MROH7: variants seen among roughly 807,000 people sequenced by gnomAD.
MROH7 encodes the protein maestro heat-like repeat-containing protein family member 7.
A neutral mutation model predicts 129.2 loss-of-function variants in MROH7; 113 were observed. That is an observed-to-expected ratio of 0.87 (90% CI 0.75 to 1.02). The LOEUF (loss-of-function observed/expected upper bound fraction) is 1.02. MROH7 is among the 50% of genes least tolerant of loss of function. The pLI, the probability that MROH7 is intolerant of heterozygous loss-of-function variation, is 0.00. For synonymous variants in MROH7, 655 were observed against 667.9 expected (o/e 0.98, Z 0.30); for missense variants, 1,601 against 1,671.3 (o/e 0.96, Z 0.73).
At position 54,701,201 on chromosome 1, in the gene MROH7, G is replaced by A; in HGVS notation, c.3164G>A (p.Gly1055Glu). The stretch of plus-strand genomic sequence containing the variant: ...GTGAAGGGCCTGAAGAACATGGATG[G>A]GATGCTGGTGGTGGAAGCGGTCCAC... The part of the protein sequence containing the change: ...SMVKGLKNMD[G>E]MLVVEAVHNL... Residue 1055 changes from glycine (G) to glutamate (E), a missense_variant, in exon 19 of 24, where the codon GGG becomes GAG. Gly to Glu is a moderately conservative substitution (Grantham distance 98, BLOSUM62 -2). Coordinates refer to ENST00000421030, the MANE Select transcript of MROH7 (RefSeq NM_001039464.4). The A allele has an allele frequency of 1.9e-6, 3 of 1,614,212 alleles. No individual in the cohort carries two copies. The highest frequency in any genetic ancestry group is 2.5e-6 in the Non-Finnish European group (3 of 1,180,040).
At position 54,674,165 on chromosome 1, in the gene MROH7, G is replaced by T. The variant is rs1009661725; in HGVS notation, c.1936+14G>T. 3.1e-6 allele frequency: 5 copies of T among 1,609,024 alleles called. No homozygotes were observed. Among genetic ancestry groups the T allele is most frequent in the Non-Finnish European group, 3.4e-6 (4 of 1,177,954 alleles). On this transcript the variant is annotated intron_variant, in intron 10 of 23. Transcript: ENST00000421030. ...AGCTCCAAAAACGTAAGCCCTATCGGAGTACTTCTGAAGGAAGTCTTCTGA... is the reference window on the plus strand; with the variant it reads ...AGCTCCAAAAACGTAAGCCCTATCGTAGTACTTCTGAAGGAAGTCTTCTGA...
intron 4 of MROH7, among the ~76,000 whole-genome samples, chr1:54,668,206 A>C (rs1361100746): frequency 6.6e-6 from 1 of 152,226 alleles, no homozygotes; most frequent in African/African-American, 2.4e-5. Context: ...CTGGCCCAGC[A>C]TCACTTCTAC....
chr1:54,691,596 A>T (rs745590466), intron 15 of MROH7, among the ~76,000 whole-genome samples: 24 of 152,150 alleles, frequency 1.6e-4, no homozygotes, highest in Non-Finnish European at 3.1e-4. Context: ...ACTTGAGATC[A>T]GGAGTTCAAG....
intron 16 of MROH7, among the ~76,000 whole-genome samples, chr1:54,694,091 A>G (rs1645283168): frequency 6.6e-6 from 1 of 152,180 alleles, no homozygotes; most frequent in Non-Finnish European, 1.5e-5. Flanking sequence ...TATGTTGGCC[A>G]GGCTGGTCTC....
intron 14 of MROH7, among the ~76,000 whole-genome samples, chr1:54,683,368 C>T (rs1557714465): frequency 6.6e-6 from 1 of 152,140 alleles, no homozygotes; most frequent in African/African-American, 2.4e-5. Flanking sequence ...AAGCTTGACC[C>T]TGGGAACACA....
intron 1 of MROH7, among the ~76,000 whole-genome samples, chr1:54,645,780 T>A (rs1644457325): frequency 6.6e-6 from 1 of 150,606 alleles, no homozygotes; most frequent in South Asian, 2.1e-4. Context: ...GCCTCCCGAG[T>A]AAGGTAGGAC....
intron 15 of MROH7, 34 bp downstream of exon 15, chr1:54,686,482 C>G: frequency 6.3e-7 from 1 of 1,585,262 alleles, no homozygotes; most frequent in Non-Finnish European, 8.6e-7. Flanking sequence ...CCCTGCTGTC[C>G]CCGGTGGTGG....
Position 54,700,339 on chromosome 1 carries a change from G to T in MROH7, c.2983G>T (p.Val995Leu). 1 of 1,614,154 alleles carries T rather than the reference G, an allele frequency of 6.2e-7. No individual in the cohort carries two copies. Among genetic ancestry groups the T allele is most frequent in the Non-Finnish European group, 8.5e-7 (1 of 1,180,024 alleles). The change falls in exon 18 of 24, where the codon GTG (valine) becomes TTG (leucine). Residue 995 changes from valine to leucine, a missense_variant. Transcript: ENST00000421030. ...CCCTCAGCTCCTCCAGATGGAGCAG[G>T]TGCGCCGGATCCCCGAGGAATACTC... The part of the protein sequence containing the change: ...FFVELLQMEQ[V>L]RRIPEEYSLG...
At chr1:54,704,434 T>C (rs947068653) in intron 21 of MROH7, among the ~76,000 whole-genome samples, 4 of 145,104 alleles carry the variant, frequency 2.8e-5, no homozygotes, top group African/African-American at 1.0e-4. Flanking sequence ...AACCTATTTT[T>C]TTTTTTTTTT....
At chr1:54,670,450 C>T (rs201109805) in intron 5 of MROH7, 47 bp from the exon 6 acceptor site, 1 of 1,571,160 alleles carries the variant, frequency 6.4e-7, no homozygotes, top group African/African-American at 1.3e-5. Flanking sequence ...CCCTGGTGGC[C>T]TGCAGTAGCC....
At position 54,695,494 on chromosome 1, in the gene MROH7, C is replaced by T; in HGVS notation, c.2964+4C>T. The stretch of plus-strand genomic sequence containing the variant: ...GGCCACCGCCTTCTTCGTGGAGGTA[C>T]CAACGGGGGCAGCGGGTACACAGCG... On this transcript the variant is annotated splice_donor_region_variant and intron_variant, in intron 17 of 23. Coordinates refer to ENST00000421030, the MANE Select transcript of MROH7 (RefSeq NM_001039464.4). 1 of 1,603,432 alleles carries T rather than the reference C, an allele frequency of 6.2e-7. No homozygotes were observed. The highest frequency in any genetic ancestry group is 8.5e-7 in the Non-Finnish European group (1 of 1,171,314).
intron 17 of MROH7, among the ~76,000 whole-genome samples, chr1:54,696,071 T>C (rs959508229): frequency 3.9e-5 from 6 of 152,184 alleles, no homozygotes; most frequent in African/African-American, 1.4e-4. Flanking sequence ...TAATATTTAT[T>C]GAGCACTTAA....
chr1:54,671,565 C>A (rs901182867), intron 7 of MROH7, among the ~76,000 whole-genome samples: 4 of 152,170 alleles, frequency 2.6e-5, no homozygotes, highest in African/African-American at 4.8e-5. Context: ...GGGGATGAGG[C>A]CTGGAGAAGC....
At chr1:54,686,183 G>A in intron 14 of MROH7, 75 bp from the exon 15 acceptor site, 1 of 1,356,798 alleles carries the variant, frequency 7.4e-7, no homozygotes, top group Non-Finnish European at 1.0e-6. Context: ...CTCCCAGAGA[G>A]GCAGTCCAGG....
In MROH7 at chr1:54,652,620, G is replaced by A. The variant is rs948967401; in HGVS notation, c.-74-233G>A. The stretch of plus-strand genomic sequence containing the variant: ...ACCCCCATGCAATCCTACAAGCCAA[G>A]GGGATTGAGTTTGTTCAGGATCATG... On this transcript the variant is annotated intron_variant, in intron 2 of 23. Coordinates refer to ENST00000421030, the MANE Select transcript of MROH7 (RefSeq NM_001039464.4). Among the ~76,000 whole-genome samples, 18 of 152,336 alleles carry A rather than the reference G, an allele frequency of 1.2e-4. 2 individuals are homozygous for A. The South Asian group carries it at 3.7e-3, about 32-fold the overall frequency.
chr1:54,682,323 C>G (rs1645083170), intron 13 of MROH7, among the ~76,000 whole-genome samples: 1 of 152,054 alleles, frequency 6.6e-6, no homozygotes, highest in African/African-American at 2.4e-5. Context: ...CACCACCATG[C>G]CCAGCTAATT....
At chr1:54,686,162 C>T in intron 14 of MROH7, 96 bp from the exon 15 acceptor site, 1 of 1,169,732 alleles carries the variant, frequency 8.5e-7, no homozygotes, top group Non-Finnish European at 1.2e-6. Context: ...CAGCAAAGAC[C>T]CAGATCCTAC....
At chr1:54,706,185 AG>A (rs1645530512) in intron 21 of MROH7, among the ~76,000 whole-genome samples, 1 of 152,146 alleles carries the variant, frequency 6.6e-6, no homozygotes, top group Non-Finnish European at 1.5e-5. Flanking sequence ...TCTGCATTTT[AG>A]AACTTTCCCT....
At chr1:54,687,773 T>C (rs1300253935) in intron 15 of MROH7, among the ~76,000 whole-genome samples, 2 of 152,148 alleles carry the variant, frequency 1.3e-5, no homozygotes, top group East Asian at 3.9e-4. Flanking sequence ...TATAAAACAT[T>C]TTTATCTTTG....
Sources: allele counts gnomAD v4.1 joint callset (sites outside exome capture counted in the v4.1 genomes callset), GRCh38; gene constraint gnomAD v4.1.1; transcripts MANE v1.5; gene names NCBI Gene and HGNC (gene_info 2026-07-23, HGNC 2026-07-21).